AHNAK: variants seen among roughly 807,000 people sequenced by gnomAD.
The protein encoded by AHNAK is AHNAK nucleoprotein.
Under a neutral mutation model 37.8 loss-of-function variants are expected in AHNAK, and 23 were observed. The ratio of observed to expected loss-of-function variants is 0.61; its 90% CI spans 0.44 to 0.86. The LOEUF (loss-of-function observed/expected upper bound fraction) is 0.86. Among genes scored for constraint, AHNAK ranks in the 40% least tolerant of loss-of-function variants. The pLI is 0.00. For synonymous variants in AHNAK, 2,481 were observed against 2,636.3 expected, an observed-to-expected ratio of 0.94 and a Z score of 1.80; for missense variants, 7,411 against 7,319.4, an observed-to-expected ratio of 1.01 and a Z score of -0.46.
rs558747998 is a variant in AHNAK, at chr11:62,531,941, G to C, written c.2476C>G (p.His826Asp). 6.2e-7 allele frequency: 1 copy of C among 1,613,866 alleles called. No homozygotes were observed. The highest frequency in any genetic ancestry group is 1.7e-5 in the Admixed American group (1 of 59,984). Residue 826 changes from histidine to aspartate, a missense_variant, in exon 5 of 5, where the codon CAT becomes GAT. Transcript: ENST00000378024. ...PKISMPDVDL[H>D]LKGPNVKGEY... ...CCCTTTACGTTAGGGCCTTTCAGAT[G>C]TAAGTCCACATCAGGCATGGAGATC... is the stretch of plus-strand genomic sequence containing the variant.
At chr11:62,508,514 C>G (rs1268469279) in intron 4 of AHNAK, among the ~76,000 whole-genome samples, 1 of 152,244 alleles carries the variant, frequency 6.6e-6, no homozygotes, top group African/African-American at 2.4e-5. Context: ...CATTCGTAAC[C>G]CTTTCCCATC....
At chr11:62,470,931 C>T (rs566793731) in intron 5 of AHNAK, among the ~76,000 whole-genome samples, 4 of 152,320 alleles carry the variant, frequency 2.6e-5, no homozygotes, top group East Asian at 3.9e-4. Context: ...TCCAGTCCCC[C>T]GAGACCTGAC....
intron 5 of AHNAK, among the ~76,000 whole-genome samples, chr11:62,463,285 G>A (rs1351930390): frequency 2.6e-5 from 4 of 152,148 alleles, no homozygotes; most frequent in Non-Finnish European, 5.9e-5. Context: ...GATGCTGGCA[G>A]TTTGGCTCTT....
chr11:62,440,028 C>T (rs1247181007), intron 5 of AHNAK, among the ~76,000 whole-genome samples: 1 of 152,138 alleles, frequency 6.6e-6, no homozygotes, highest in Non-Finnish European at 1.5e-5. Context: ...AGGGTTTCTC[C>T]ACCTTGGCAC....
In AHNAK at chr11:62,521,168, G is replaced by A. The variant is rs1486531131; in HGVS notation, c.13249C>T (p.Pro4417Ser). The A allele has an allele frequency of 1.2e-6, 2 of 1,613,872 alleles. No homozygotes were observed. Residue 4417 changes from proline to serine, a missense_variant, in exon 5 of 5, where the codon CCT (proline) becomes TCT (serine). Pro to Ser is a moderately conservative substitution (Grantham distance 74, BLOSUM62 -1). Coordinates refer to ENST00000378024, the MANE Select transcript of AHNAK (RefSeq NM_001620.3). ...LPKVEGDLKG[P>S]EIDIKGPSLD... ...CTGGGGCCTTTTATGTCAATTTCAG[G>A]GCCCTTGAGATCACCTTCCACTTTG...
intron 5 of AHNAK, among the ~76,000 whole-genome samples, chr11:62,480,803 T>TAAAAA (rs1172126377): frequency 9.7e-4 from 43 of 44,494 alleles, no homozygotes; most frequent in Middle Eastern, 0.012. Context: ...TGCGTGCAGT[T>TAAAAA]AAAAAAAAAA....
chr11:62,463,530 C>T (rs1425086057), intron 5 of AHNAK, among the ~76,000 whole-genome samples: 1 of 152,012 alleles, frequency 6.6e-6, no homozygotes, highest in Non-Finnish European at 1.5e-5. Context: ...GCCTTGTGCA[C>T]CAAGAAAAAT....
At chr11:62,446,153 T>C (rs1230949405) in intron 5 of AHNAK, among the ~76,000 whole-genome samples, 1 of 151,938 alleles carries the variant, frequency 6.6e-6, no homozygotes, top group Non-Finnish European at 1.5e-5. Flanking sequence ...ATTTTATAAC[T>C]ATGGGCAGGG....
At position 62,527,736 on chromosome 11, in the gene AHNAK, A is replaced by G; in HGVS notation, c.6681T>C (p.Ile2227=). Residue 2227 remains isoleucine, a synonymous_variant, in exon 5 of 5, where the codon ATT becomes ATC. Coordinates refer to ENST00000378024, the MANE Select transcript of AHNAK (RefSeq NM_001620.3). ...DVDIRGPKVD[I]DAPDVDVHGP... ...CATGAACATCCACATCTGGGGCATC[A>G]ATGTCCACTTTGGGCCCTCTGATGT... 1 of 1,613,954 alleles carries G rather than the reference A, an allele frequency of 6.2e-7. No homozygotes were observed. Among genetic ancestry groups the G allele is most frequent in the South Asian group, 1.1e-5 (1 of 91,078 alleles).
chr11:62,535,172 G>A lies in AHNAK; in HGVS notation c.173C>T (p.Ala58Val). The change falls in exon 4 of 5, where the codon GCC (alanine) becomes GTC (valine). Residue 58 changes from alanine (A) to valine (V), a missense_variant. Physicochemically the swap from Ala to Val is moderately conservative, Grantham distance 64. Transcript: ENST00000378024. The part of the protein sequence containing the change: ...VVKEGDQIVG[A>V]TIYFDNLQSG... The stretch of plus-strand genomic sequence containing the variant: ...CTGCAGGTTGTCAAAGTAGATGGTG[G>A]CACCCACAATCTGGTCCCCTGAGCA... 1 of 1,611,084 alleles carries A rather than the reference G, an allele frequency of 6.2e-7. No homozygotes were observed. Among genetic ancestry groups the A allele is most frequent in the Non-Finnish European group, 8.5e-7 (1 of 1,177,450 alleles).
rs778779045 is a variant in AHNAK, at chr11:62,517,126, G to A, written c.17291C>T (p.Pro5764Leu). Reference sequence around the variant, plus strand: ...TTTAAATAAGGAGAATTTGCCTTTCGGTGAAGAGGCTTCGGCCTCTGCCTC... The same window carrying A: ...TTTAAATAAGGAGAATTTGCCTTTCAGTGAAGAGGCTTCGGCCTCTGCCTC... ...EGEAEAEASS[P>L]KGKFSLFKSK... The change falls in exon 5 of 5, where the codon CCG becomes CTG. Residue 5764 changes from proline (P) to leucine (L), a missense_variant. Pro to Leu is a moderately conservative substitution (Grantham distance 98, BLOSUM62 -3). Coordinates refer to ENST00000378024, the MANE Select transcript of AHNAK (RefSeq NM_001620.3). The A allele has an allele frequency of 9.9e-6, 16 of 1,612,780 alleles. No individual in the cohort carries two copies. The highest frequency in any genetic ancestry group is 2.2e-5 in the South Asian group (2 of 91,014).
At chr11:62,492,896 C>T (rs1456490731) in intron 4 of AHNAK, among the ~76,000 whole-genome samples, 1 of 121,524 alleles carries the variant, frequency 8.2e-6, no homozygotes, top group Non-Finnish European at 1.6e-5. Flanking sequence ...AGGGAGATTG[C>T]TCTTCCCCAG....
intron 5 of AHNAK, among the ~76,000 whole-genome samples, chr11:62,441,834 C>T (rs1219286678): frequency 6.6e-6 from 1 of 152,104 alleles, no homozygotes; most frequent in Non-Finnish European, 1.5e-5. Context: ...ATAAATAAAT[C>T]CTCCAGGAGC....
In AHNAK at chr11:62,516,824, A is replaced by T; in HGVS notation, c.17593T>A (p.Ser5865Thr). Residue 5865 changes from serine (S) to threonine (T), a missense_variant, in exon 5 of 5, where the codon TCT becomes ACT. By Grantham distance (58) the Ser-to-Thr change is moderately conservative. Coordinates refer to ENST00000378024, the MANE Select transcript of AHNAK (RefSeq NM_001620.3). ...TTATTCCCACTGTCATTGCTAGAAG[A>T]GGAGGACAGTCGGGACTTCTTAGAG... ...LASKKSRLSS[S>T]SSNDSGNKVG... is the part of the protein sequence containing the mutation. 1.2e-6 allele frequency: 2 copies of T among 1,614,162 alleles called. No homozygotes were observed. The highest frequency in any genetic ancestry group is 1.7e-6 in the Non-Finnish European group (2 of 1,180,028).
downstream of AHNAK, among the ~76,000 whole-genome samples, chr11:62,512,064 C>T (rs1939924565): frequency 6.6e-6 from 1 of 152,340 alleles, no homozygotes; most frequent in South Asian, 2.1e-4. This position sits in a 1 kb window ranked among gnomAD's most constrained non-coding sequence, Gnocchi z 4.0. Flanking sequence ...CCAGGCTGGT[C>T]TCAAACTCCC....
At chr11:62,434,644 C>T (rs2509980) in intron 5 of AHNAK, among the ~76,000 whole-genome samples, 4,112 of 152,122 alleles carry the variant, frequency 0.027, 192 homozygotes, top group African/African-American at 0.094. Context: ...ATCCAGCTTT[C>T]GGGCCAGGCG....
At chr11:62,506,596 T>C (rs1590636619) in intron 4 of AHNAK, among the ~76,000 whole-genome samples, 1 of 152,012 alleles carries the variant, frequency 6.6e-6, no homozygotes, top group Non-Finnish European at 1.5e-5. Flanking sequence ...GGCCAGAGGG[T>C]TGTGCCTGGC....
At chr11:62,460,907 G>A (rs1372421674) in intron 5 of AHNAK, among the ~76,000 whole-genome samples, 6 of 151,444 alleles carry the variant, frequency 4.0e-5, no homozygotes, top group Admixed American at 2.6e-4. Context: ...TGCAAGCTCC[G>A]CCTCCCGGGT....
chr11:62,527,092 T>C lies in AHNAK; in HGVS notation c.7325A>G (p.Lys2442Arg). 2 of 1,614,176 alleles carry C rather than the reference T, an allele frequency of 1.2e-6. No homozygotes were observed. The highest frequency in any genetic ancestry group is 2.7e-5 in the African/African-American group (2 of 75,036). ...GGCTTTGAAATGCATATCAGGCATC[T>C]TGAACTTAGGGCCTTTCAATTTGCC... Reference protein sequence around the residue: ...PEGKLKGPKFKMPDMHFKAPN... With the variant: ...PEGKLKGPKFRMPDMHFKAPN... Residue 2442 changes from lysine to arginine, a missense_variant, in exon 5 of 5, where the codon AAG (lysine) becomes AGG (arginine). Physicochemically the swap from Lys to Arg is conservative, Grantham distance 26. Transcript: ENST00000378024.
Sources: allele counts gnomAD v4.1 joint callset (sites outside exome capture counted in the v4.1 genomes callset), GRCh38; gene constraint gnomAD v4.1.1; non-coding constraint Gnocchi (gnomAD v3.1); transcripts MANE v1.5; gene names NCBI Gene and HGNC (gene_info 2026-07-23, HGNC 2026-07-21).